The following SLC3A1 variants were observed in gnomAD, a reference collection of about 807,000 sequenced individuals.
SLC3A1 encodes amino acid transporter heavy chain SLC3A1.
In SLC3A1, 78 loss-of-function variants were observed where a neutral mutation model predicts 60.3. That is an observed-to-expected ratio of 1.29 (90% CI 1.08 to 1.56). The LOEUF is 1.56. Ranked by LOEUF, SLC3A1 falls within the 40% of genes most tolerant of loss-of-function variation. The pLI is 0.00. For synonymous variants in SLC3A1, 392 were observed against 307.9 expected (o/e 1.27, Z -2.86); for missense variants, 1,172 against 858.9 (o/e 1.36, Z -4.56).
At chr2:44,293,551 C>G (rs763878975) in intron 4 of SLC3A1, among the ~76,000 whole-genome samples, 1 of 151,902 alleles carries the variant, frequency 6.6e-6, no homozygotes, top group African/African-American at 2.4e-5. Flanking sequence ...GGACACGGAG[C>G]TCAGGGAAAA....
Position 44,320,470 on chromosome 2 carries a change from G to A in SLC3A1, c.1889G>A (p.Gly630Asp), listed in dbSNP as rs150557210. 98 of 1,614,122 alleles carry A rather than the reference G, an allele frequency of 6.1e-5. No individual in the cohort carries two copies. The East Asian group carries it at 1.9e-3, about 32-fold the overall frequency. Residue 630 changes from glycine (G) to aspartate (D), a missense_variant, in exon 10 of 10, where the codon GGC becomes GAC. Transcript: ENST00000260649. ...IRLSTNSADK[G>D]SKVDTSGIFL... Reference sequence around the variant, plus strand: ...TTAAGTACCAATTCTGCCGACAAAGGCAGTAAAGTTGATACAAGTGGCATT... The same window carrying A: ...TTAAGTACCAATTCTGCCGACAAAGACAGTAAAGTTGATACAAGTGGCATT...
chr2:44,289,664 C>T (rs1314756115), intron 4 of SLC3A1, among the ~76,000 whole-genome samples: 1 of 147,996 alleles, frequency 6.8e-6, no homozygotes, highest in Non-Finnish European at 1.5e-5. Flanking sequence ...GAGTTATGCT[C>T]TTGTTACCCA....
intron 6 of SLC3A1, among the ~76,000 whole-genome samples, chr2:44,301,731 TC>T (rs1672015214): frequency 1.2e-5 from 1 of 81,926 alleles, no homozygotes; most frequent in Non-Finnish European, 2.1e-5. Context: ...AGAGCGAGAC[TC>T]CATCACAAAA....
chr2:44,310,625 C>A (rs1672270470), intron 7 of SLC3A1, among the ~76,000 whole-genome samples: 2 of 152,008 alleles, frequency 1.3e-5, no homozygotes, highest in South Asian at 4.1e-4. Context: ...TTTTGTCCTA[C>A]TTGGAGTTCA....
chr2:44,280,992 A>T (rs1203665367), intron 2 of SLC3A1, 97 bp downstream of exon 2: 1 of 1,076,200 alleles, frequency 9.3e-7, no homozygotes, highest in East Asian at 2.4e-5. Context: ...TAACTGTCAT[A>T]TACTATTTCT....
chr2:44,320,769 C>A lies in SLC3A1; in HGVS notation c.*130C>A. 2 of 808,174 alleles carry A rather than the reference C, an allele frequency of 2.5e-6. No homozygotes were observed. Among genetic ancestry groups the A allele is most frequent in the South Asian group, 1.5e-5 (1 of 67,210 alleles). The allele number at this position is 808,174 out of a possible 1,614,324, so 50.1% of individuals were successfully genotyped here. The stretch of plus-strand genomic sequence containing the variant: ...CGATATTTCTGTAGCTTGAATGTAA[C>A]TGCTTTAAGAAAGGTTCTCAAATGT... On this transcript the variant is annotated 3_prime_UTR_variant, in exon 10 of 10. Transcript: ENST00000260649.
intron 1 of SLC3A1, among the ~76,000 whole-genome samples, chr2:44,279,337 C>T (rs930003740): frequency 3.3e-5 from 5 of 152,136 alleles, no homozygotes; most frequent in African/African-American, 9.7e-5. Context: ...TCTATTCTTG[C>T]TCCCTCCTTT....
intron 1 of SLC3A1, among the ~76,000 whole-genome samples, chr2:44,277,653 G>A (rs1671380186): frequency 6.6e-6 from 1 of 152,090 alleles, no homozygotes; most frequent in Admixed American, 6.6e-5. Flanking sequence ...TGCACATTGA[G>A]TGCTTAGGAA....
chr2:44,320,193 A>C lies in SLC3A1; in HGVS notation c.1618-6A>C. On this transcript the variant is annotated splice_region_variant and splice_polypyrimidine_tract_variant and intron_variant, in intron 9 of 9. Transcript: ENST00000260649. ...CACTTACGTAAATACTTTTTTAAAA[A>C]AATAGGTCCAAAAGACTCAGCCCAG... 1 of 1,610,206 alleles carries C rather than the reference A, an allele frequency of 6.2e-7. No individual in the cohort carries two copies. Among genetic ancestry groups the C allele is most frequent in the Non-Finnish European group, 8.5e-7 (1 of 1,177,214 alleles).
chr2:44,304,269 G>A lies in SLC3A1; in HGVS notation c.1263G>A (p.Gly421=). 5 of 1,614,118 alleles carry A rather than the reference G, an allele frequency of 3.1e-6. No homozygotes were observed. Among genetic ancestry groups the A allele is most frequent in the Non-Finnish European group, 3.4e-6 (4 of 1,179,996 alleles). Residue 421 remains glycine (G), a synonymous_variant, in exon 7 of 10, where the codon GGG becomes GGA. Coordinates refer to ENST00000260649, the MANE Select transcript of SLC3A1 (RefSeq NM_000341.4). ...TCAGCATGCTAGACACTGTTTCTGG[G>A]AACAGCGTGTATGAGGTTATCACAT... The part of the protein sequence containing the change: ...NYLSMLDTVS[G]NSVYEVITSW...
intron 8 of SLC3A1, 39 bp from the exon 9 acceptor site, chr2:44,313,796 A>G (rs1002294565): frequency 6.8e-7 from 1 of 1,476,938 alleles, no homozygotes; most frequent in African/African-American, 1.4e-5. Context: ...TCTTCTAATA[A>G]CCAAACCACT....
intron 4 of SLC3A1, among the ~76,000 whole-genome samples, chr2:44,295,319 G>A (rs1671825338): frequency 6.6e-6 from 1 of 152,174 alleles, no homozygotes; most frequent in South Asian, 2.1e-4. Context: ...AGGAGTCAAG[G>A]ACGTAGTGTA....
chr2:44,278,646 C>A (rs1671405523), intron 1 of SLC3A1, among the ~76,000 whole-genome samples: 2 of 152,038 alleles, frequency 1.3e-5, no homozygotes, highest in South Asian at 4.1e-4. Context: ...AGATTGAATT[C>A]TAGACTCAAG....
At chr2:44,291,425 G>C (rs544358725) in intron 4 of SLC3A1, among the ~76,000 whole-genome samples, 1 of 152,310 alleles carries the variant, frequency 6.6e-6, no homozygotes, top group South Asian at 2.1e-4. Context: ...AAGCCGTGGA[G>C]TGTGTGGACA....
intron 4 of SLC3A1, among the ~76,000 whole-genome samples, chr2:44,288,484 A>G (rs781449423): frequency 6.6e-5 from 10 of 150,740 alleles, no homozygotes; most frequent in Admixed American, 3.3e-4. Context: ...GGTTTTGCCT[A>G]TTCTGGACAC....
intron 6 of SLC3A1, among the ~76,000 whole-genome samples, chr2:44,303,111 G>A (rs1672058363): frequency 1.3e-5 from 2 of 151,694 alleles, no homozygotes; most frequent in African/African-American, 2.4e-5. Flanking sequence ...TGAGGCAGGA[G>A]AATCACTTGC....
chr2:44,278,416 C>G (rs896280816), intron 1 of SLC3A1, among the ~76,000 whole-genome samples: 1 of 151,758 alleles, frequency 6.6e-6, no homozygotes, highest in South Asian at 2.1e-4. Context: ...CCACTGCACT[C>G]CAGCCTGGGC....
chr2:44,280,743 C>T lies in SLC3A1; in HGVS notation c.458C>T (p.Thr153Ile), dbSNP rs760250293. Residue 153 changes from threonine (T) to isoleucine (I), a missense_variant, in exon 2 of 10, where the codon ACA (threonine) becomes ATA (isoleucine). Transcript: ENST00000260649. ...ATTCAAGATAAACTGGACTACATCA[C>T]AGCTTTAAATATAAAAACTGTTTGG... ...KGIQDKLDYI[T>I]ALNIKTVWIT... 1 of 1,610,476 alleles carries T rather than the reference C, an allele frequency of 6.2e-7. No individual in the cohort carries two copies. The highest frequency in any genetic ancestry group is 8.5e-7 in the Non-Finnish European group (1 of 1,176,794).
chr2:44,314,260 C>T (rs949498861), intron 9 of SLC3A1: 17 of 596,198 alleles, frequency 2.9e-5, no homozygotes, highest in Non-Finnish European at 4.9e-5. Flanking sequence ...GCCCAGCTGC[C>T]TTTCCTCCTC....
Sources: allele counts gnomAD v4.1 joint callset (sites outside exome capture counted in the v4.1 genomes callset), GRCh38; gene constraint gnomAD v4.1.1; transcripts MANE v1.5; gene names NCBI Gene and HGNC (gene_info 2026-07-23, HGNC 2026-07-21).